Variants in E2F4 observed in about 807,000 individuals in gnomAD.
E2F4 encodes E2F transcription factor 4.
Under a neutral mutation model 44.5 loss-of-function variants are expected in E2F4, and 16 were observed. The ratio of observed to expected loss-of-function variants is 0.36; its 90% confidence interval spans 0.24 to 0.55. The LOEUF (loss-of-function observed/expected upper bound fraction) is 0.55. Among genes scored for constraint, E2F4 ranks in the 20% least tolerant of loss-of-function variants. E2F4 has a pLI of 0.87. For missense variants in E2F4, 473 were observed against 522.1 expected (o/e 0.91, Z 0.92); for synonymous variants, 242 against 207.2 (o/e 1.17, Z -1.44).
At chr16:67,194,661 C>T (rs374358555) in intron 5 of E2F4, 25 bp from the exon 6 acceptor site, 3 of 1,603,422 alleles carry the variant, frequency 1.9e-6, no homozygotes, top group Non-Finnish European at 1.7e-6. Flanking sequence ...CTACCCATCT[C>T]CCATCCCTTA....
rs747021704 is a variant in E2F4, at chr16:67,193,540, A to AG, written c.451+30dup. ...GGTGAGCAGAGCCTGGGTAGGGGTA[A>AG]GGGGGTGGGCTGGGCTCAGCCAAAG... On this transcript the variant is annotated intron_variant, in intron 4 of 9. Coordinates refer to ENST00000379378, the MANE Select transcript of E2F4 (RefSeq NM_001950.4). 3.7e-6 allele frequency: 6 copies of AG among 1,611,938 alleles called. No homozygotes were observed. The East Asian group carries it at 1.3e-4, about 36-fold the overall frequency.
chr16:67,195,934 A>G lies in E2F4; in HGVS notation c.961A>G (p.Ser321Gly). ...CAGCAGCAGCAGCAGCAGCAGCAAC[A>G]GTAACAGCAGCAGTTCGTCCGGACC... is the stretch of plus-strand genomic sequence containing the variant. ...SSSSSSSSSN[S>G]NSSSSSGPNP... Residue 321 changes from serine (S) to glycine (G), a missense_variant, in exon 7 of 10, where the codon AGT (serine) becomes GGT (glycine). Physicochemically the swap from Ser to Gly is moderately conservative, Grantham distance 56. Around this residue, in one of 3 missense-constraint regions of E2F4, gnomAD observed 314 missense variants for 315.6 expected, o/e 0.99. Transcript: ENST00000379378. 1 of 1,614,142 alleles carries G rather than the reference A, an allele frequency of 6.2e-7. No homozygotes were observed. The highest frequency in any genetic ancestry group is 8.5e-7 in the Non-Finnish European group (1 of 1,180,006).
intron 8 of E2F4, 102 bp downstream of exon 8, chr16:67,197,748 A>G (rs1323274775): frequency 1.9e-6 from 3 of 1,599,146 alleles, no homozygotes; most frequent in African/African-American, 1.3e-5. Context: ...TGTGGCGCTT[A>G]TGGTAACTGG....
rs2032900024 is a variant in E2F4, at chr16:67,192,360, C to T, written c.133C>T (p.Leu45=). 1.4e-6 allele frequency: 2 copies of T among 1,409,960 alleles called. No homozygotes were observed. The highest frequency in any genetic ancestry group is 1.9e-6 in the Non-Finnish European group (2 of 1,079,838). 87.3% of individuals were successfully genotyped at this position (1,409,960 alleles called of 1,614,324 possible). A position where few individuals can be genotyped will look rare whatever the true frequency, so the allele number is the denominator to read the frequency against. ...EAKDGVLDLK[L]AADTLAVRQK... is the part of the protein sequence containing the mutation. ...CAAGGACGGCGTGCTTGACCTCAAG[C>T]TGGTGCGGCCTGGGCTAAGGGGAGA... The change falls in exon 1 of 10, where the codon CTG becomes TTG. Residue 45 remains leucine, a splice_region_variant and synonymous_variant. Transcript: ENST00000379378.
intron 8 of E2F4, 98 bp downstream of exon 8, chr16:67,197,744 G>C: frequency 6.3e-7 from 1 of 1,597,684 alleles, no homozygotes. Flanking sequence ...TTGTTGTGGC[G>C]CTTATGGTAA....
At chr16:67,195,695 G>T in intron 6 of E2F4, 87 bp from the exon 7 acceptor site, 2 of 1,582,334 alleles carry the variant, frequency 1.3e-6, no homozygotes, top group East Asian at 4.6e-5. Context: ...CAGGCTTGTG[G>T]TCCTCCTGTG....
At position 67,194,898 on chromosome 16, in the gene E2F4, AAAT is replaced by A; in HGVS notation, c.728_730del (p.Asn243del). The A allele has an allele frequency of 6.2e-7, 1 of 1,614,180 alleles. No homozygotes were observed. Among genetic ancestry groups the A allele is most frequent in the Non-Finnish European group, 8.5e-7 (1 of 1,180,030 alleles). ...CCCAGTCCCAGGAAGCCTCACGTCCAAATAGTCCTCAGCTCACTCCCACTGCTG... is the reference window on the plus strand; with the variant it reads ...CCCAGTCCCAGGAAGCCTCACGTCCAAGTCCTCAGCTCACTCCCACTGCTG... On this transcript the variant is annotated inframe_deletion, in exon 6 of 10. Coordinates refer to ENST00000379378, the MANE Select transcript of E2F4 (RefSeq NM_001950.4).
rs756033028 is a variant in E2F4 at position 67,197,912 on chromosome 16, G to GT, written c.1126+2dup. On this transcript the variant is annotated splice_donor_variant, in intron 9 of 9. Transcript: ENST00000379378. LOFTEE classifies it high-confidence loss of function. ...CTGGAGGAGTTGATGTCCTCAGAAG[G>GT]TGGGTGGCCCTGGAAGGTGGGAGTG... The GT allele has an allele frequency of 6.2e-7, 1 of 1,614,154 alleles. No homozygotes were observed.
rs950105664 is a variant in E2F4, at chr16:67,192,376, T to C, written c.135+14T>C. The C allele has an allele frequency of 1.4e-6, 2 of 1,423,998 alleles. No individual in the cohort carries two copies. Among genetic ancestry groups the C allele is most frequent in the African/African-American group, 1.4e-5 (1 of 69,338 alleles). 88.2% of individuals were successfully genotyped at this position (1,423,998 alleles called of 1,614,324 possible). ...GACCTCAAGCTGGTGCGGCCTGGGC[T>C]AAGGGGAGACAAGGGAGGCTGGTGG... On this transcript the variant is annotated intron_variant, in intron 1 of 9. Transcript: ENST00000379378.
At position 67,194,462 on chromosome 16, in the gene E2F4, G is replaced by A. The variant is rs759272055; in HGVS notation, c.513+3G>A. ...GCCTGGAGGTGCCCATCCCAGAGGT[G>A]GGTGCTTAGCCCAGGCAGGCGGGGT... On this transcript the variant is annotated splice_donor_region_variant and intron_variant, in intron 5 of 9. Coordinates refer to ENST00000379378, the MANE Select transcript of E2F4 (RefSeq NM_001950.4). The A allele has an allele frequency of 6.2e-7, 1 of 1,613,854 alleles. No individual in the cohort carries two copies. Among genetic ancestry groups the A allele is most frequent in the African/African-American group, 1.3e-5 (1 of 75,068 alleles).
chr16:67,192,992 C>G lies in E2F4; in HGVS notation c.246-17C>G. The stretch of plus-strand genomic sequence containing the variant: ...GAGTTCTCAGCAGTCCCTCTCAGCC[C>G]CACTCCCTGGGCTCAGGGGTGTGGG... On this transcript the variant is annotated splice_polypyrimidine_tract_variant and intron_variant, in intron 2 of 9. Coordinates refer to ENST00000379378, the MANE Select transcript of E2F4 (RefSeq NM_001950.4). 3.2e-6 allele frequency: 5 copies of G among 1,564,978 alleles called. No individual in the cohort carries two copies. Among genetic ancestry groups the G allele is most frequent in the African/African-American group, 1.4e-5 (1 of 73,930 alleles).
At position 67,193,156 on chromosome 16, in the gene E2F4, C is replaced by T. The variant is rs759473562; in HGVS notation, c.393C>T (p.Asp131=). Residue 131 remains aspartate, a synonymous_variant, in exon 3 of 10, where the codon GAC becomes GAT. Coordinates refer to ENST00000379378, the MANE Select transcript of E2F4 (RefSeq NM_001950.4). ...VQQSIRNVTE[D]VQNSCLAYVT... is the part of the protein sequence containing the mutation. ...AGAGCATCCGGAACGTCACAGAGGA[C>T]GTGCAGAACAGCTGATATCCTCCTG... The T allele has an allele frequency of 3.1e-5, 49 of 1,570,668 alleles. No homozygotes were observed. The highest frequency in any genetic ancestry group is 1.7e-4 in the Middle Eastern group (1 of 6,014).
In E2F4 at chr16:67,193,515, G is replaced by A; in HGVS notation, c.451G>A (p.Gly151Arg). The A allele has an allele frequency of 1.2e-6, 2 of 1,614,192 alleles. No homozygotes were observed. Among genetic ancestry groups the A allele is most frequent in the Non-Finnish European group, 1.7e-6 (2 of 1,180,022 alleles). ...TGAGGACATCTGCAGATGCTTTGCT[G>A]GTGAGCAGAGCCTGGGTAGGGGTAA... ...THEDICRCFA[G>R]DTLLAIRAPS... Residue 151 changes from glycine (G) to arginine (R), a missense_variant and splice_region_variant, in exon 4 of 10, where the codon GGA (glycine) becomes AGA (arginine). By Grantham distance (125) the Gly-to-Arg change is moderately radical (BLOSUM62 -2). Transcript: ENST00000379378.
In E2F4 at chr16:67,198,276, C is replaced by A. The variant is rs566531811; in HGVS notation, c.*153C>A. 3.0e-6 allele frequency: 2 copies of A among 660,328 alleles called. No homozygotes were observed. Among genetic ancestry groups the A allele is most frequent in the South Asian group, 3.5e-5 (2 of 57,176 alleles). The allele number at this position is 660,328 out of a possible 1,614,324, so 40.9% of individuals were successfully genotyped here. On this transcript the variant is annotated 3_prime_UTR_variant, in exon 10 of 10. Coordinates refer to ENST00000379378, the MANE Select transcript of E2F4 (RefSeq NM_001950.4). ...CACCGCACAGTTCTGGCCACAGCTC[C>A]CGCTCCTGTGCTGGCACTTCTGTGC...
chr16:67,196,016 TGCCCCCTGGGGGCAGAGAGAGAG>T lies in E2F4; in HGVS notation c.1033+11_1033+33del, dbSNP rs762696530. The T allele has an allele frequency of 1.9e-4, 312 of 1,613,562 alleles. No individual in the cohort carries two copies. Among genetic ancestry groups the T allele is most frequent in the Non-Finnish European group, 2.6e-4 (309 of 1,179,636 alleles). ...GCAGACCCCACAGGTGGTGAGTACC[TGCCCCCTGGGGGCAGAGAGAGAG>T]AGTCTAGCCTCAGTCCAGTCCTAGG... On this transcript the variant is annotated intron_variant, in intron 7 of 9. Coordinates refer to ENST00000379378, the MANE Select transcript of E2F4 (RefSeq NM_001950.4).
rs192173988 is a variant in E2F4, at chr16:67,195,935, G to C, written c.962G>C (p.Ser321Thr). ...SSSSSSSSSN[S>T]NSSSSSGPNP... ...AGCAGCAGCAGCAGCAGCAGCAACA[G>C]TAACAGCAGCAGTTCGTCCGGACCC... Residue 321 changes from serine (S) to threonine (T), a missense_variant, in exon 7 of 10, where the codon AGT becomes ACT. This residue lies in a region of E2F4 where 314 missense variants were observed against 315.6 expected (regional missense o/e 0.99). Coordinates refer to ENST00000379378, the MANE Select transcript of E2F4 (RefSeq NM_001950.4). The C allele has an allele frequency of 2.0e-4, 317 of 1,613,610 alleles. No individual in the cohort carries two copies. Among genetic ancestry groups the C allele is most frequent in the Non-Finnish European group, 2.6e-4 (310 of 1,179,732 alleles).
Position 67,194,280 on chromosome 16 carries a change from G to C in E2F4, c.452-118G>C, listed in dbSNP as rs1025239479. ...CTGGCCACTATGGGGGATGGGTGAGGCCCACTGTCTAGTTCCTCAGGGACC... is the reference window on the plus strand; with the variant it reads ...CTGGCCACTATGGGGGATGGGTGAGCCCCACTGTCTAGTTCCTCAGGGACC... On this transcript the variant is annotated intron_variant, in intron 4 of 9. Coordinates refer to ENST00000379378, the MANE Select transcript of E2F4 (RefSeq NM_001950.4). 6.5e-6 allele frequency: 7 copies of C among 1,077,872 alleles called. No homozygotes were observed. In the African/African-American group the frequency reaches 1.1e-4, roughly 17 times the overall value. The allele number at this position is 1,077,872 out of a possible 1,614,324, so 66.8% of individuals were successfully genotyped here.
Position 67,192,863 on chromosome 16 carries a change from C to G in E2F4, c.238C>G (p.Gln80Glu). Residue 80 changes from glutamine (Q) to glutamate (E), a missense_variant, in exon 2 of 10, where the codon CAG becomes GAG. Coordinates refer to ENST00000379378, the MANE Select transcript of E2F4 (RefSeq NM_001950.4). ...CGAGAAAAAGTCCAAGAACAGCATC[C>G]AGTGGAAGTGAGTGGGCATAGTGGG... is the stretch of plus-strand genomic sequence containing the variant. ...LIEKKSKNSIQWKGVGPGCNT... is the reference protein window; with the variant it reads ...LIEKKSKNSIEWKGVGPGCNT... 1 of 1,610,576 alleles carries G rather than the reference C, an allele frequency of 6.2e-7. No individual in the cohort carries two copies.
At chr16:67,193,948 C>T in intron 4 of E2F4, 1 of 241,612 alleles carries the variant, frequency 4.1e-6, no homozygotes, top group East Asian at 1.0e-4. Context: ...TGGGCTCTTG[C>T]TGTGTTGCCC....
Sources: allele counts gnomAD v4.1 joint callset, GRCh38; gene constraint gnomAD v4.1.1; regional missense constraint gnomAD v4.1.1; transcripts MANE v1.5; gene names NCBI Gene and HGNC (gene_info 2026-07-23, HGNC 2026-07-21).